Variants in TJP1 observed in about 807,000 individuals in gnomAD.
TJP1 encodes the protein tight junction protein 1, also known as tight junction protein ZO-1.
TJP1 carries 43 observed loss-of-function variants against 194.2 expected under a neutral mutation model. The observed-to-expected ratio is 0.22, with a 90% CI of 0.17 to 0.29. The LOEUF (loss-of-function observed/expected upper bound fraction) is 0.29. Among genes scored for constraint, TJP1 ranks in the 10% least tolerant of loss-of-function variants. The pLI, the probability that TJP1 is intolerant of heterozygous loss-of-function variation, is 1.00. For missense variants in TJP1, 1,971 were observed against 2,185.7 expected (o/e 0.90, Z 1.96); for synonymous variants, 801 against 779.0 (o/e 1.03, Z -0.47).
intron 2 of TJP1, among the ~76,000 whole-genome samples, chr15:29,844,559 G>A (rs530211706): frequency 6.6e-6 from 1 of 152,152 alleles, no homozygotes; most frequent in East Asian, 1.9e-4. Flanking sequence ...GACAAGATGC[G>A]AGGGTAGACT....
rs757483551 is a variant in TJP1 at position 29,766,436 on chromosome 15, C to G, written c.419G>C (p.Arg140Thr). Residue 140 changes from arginine (R) to threonine (T), a missense_variant, in exon 5 of 28, where the codon AGA becomes ACA. By Grantham distance (71) the Arg-to-Thr change is moderately conservative. Around this residue, in one of 5 missense-constraint regions of TJP1, gnomAD observed 245 missense variants for 336.6 expected, o/e 0.73. Coordinates refer to ENST00000614355, the MANE Select transcript of TJP1 (RefSeq NM_001330239.4). ...GTTAACCACACCACTCCGGCCACTT[C>G]TTGGATCATGTATTTCCTCATCATA... ...DSYDEEIHDP[R>T]SGRSGVVNRR... 1 of 1,614,044 alleles carries G rather than the reference C, an allele frequency of 6.2e-7. No homozygotes were observed. The highest frequency in any genetic ancestry group is 1.3e-5 in the African/African-American group (1 of 74,934).
intron 10 of TJP1, among the ~76,000 whole-genome samples, chr15:29,740,275 C>A (rs1490807620): frequency 6.6e-6 from 1 of 151,996 alleles, no homozygotes; most frequent in Non-Finnish European, 1.5e-5. Context: ...GCGCCCGGCC[C>A]GGAATTCTGT....
At position 29,761,052 on chromosome 15, in the gene TJP1, T is replaced by A. The variant is rs955314961; in HGVS notation, c.1010+87A>T. 10 of 1,387,782 alleles carry A rather than the reference T, an allele frequency of 7.2e-6. No homozygotes were observed. The African/African-American group carries it at 1.2e-4, about 16-fold the overall frequency. 86.0% of individuals were successfully genotyped at this position (1,387,782 alleles called of 1,614,324 possible). ...ATCTTGAATAATCAAAAGAAATACATCTTTTAATTTTATTTGTAAGCAATT... is the reference window on the plus strand; with the variant it reads ...ATCTTGAATAATCAAAAGAAATACAACTTTTAATTTTATTTGTAAGCAATT... On this transcript the variant is annotated intron_variant, in intron 8 of 27. Transcript: ENST00000614355.
At chr15:29,760,573 C>T (rs2045937752) in intron 8 of TJP1, among the ~76,000 whole-genome samples, 2 of 152,156 alleles carry the variant, frequency 1.3e-5, no homozygotes, top group South Asian at 4.1e-4. Context: ...GACAGAGTTT[C>T]ACCATGTCGG....
chr15:29,766,388 G>A lies in TJP1; in HGVS notation c.467C>T (p.Pro156Leu), dbSNP rs772906729. 30 of 1,614,012 alleles carry A rather than the reference G, an allele frequency of 1.9e-5. No individual in the cohort carries two copies. The highest frequency in any genetic ancestry group is 1.5e-4 in the South Asian group (14 of 91,058). The stretch of plus-strand genomic sequence containing the variant: ...CTCTCTACTTGCACTTCTATCCCTC[G>A]GCCAAATCTTCTCACTCCTTCTGTT... ...VVNRRSEKIW[P>L]RDRSASRERS... The change falls in exon 5 of 28, where the codon CCG becomes CTG. Residue 156 changes from proline to leucine, a missense_variant. By Grantham distance (98) the Pro-to-Leu change is moderately conservative. Transcript: ENST00000614355.
At chr15:29,907,143 C>T (rs2053841402) in intron 2 of TJP1, among the ~76,000 whole-genome samples, 1 of 152,010 alleles carries the variant, frequency 6.6e-6, no homozygotes. Flanking sequence ...GGTACGGTGG[C>T]TCATGCCTGT....
chr15:29,737,190 A>G lies in TJP1; in HGVS notation c.1407+74T>C, dbSNP rs770340135. 31 of 1,534,298 alleles carry G rather than the reference A, an allele frequency of 2.0e-5. No homozygotes were observed. In the Middle Eastern group the frequency reaches 1.0e-3, roughly 51 times the overall value. On this transcript the variant is annotated intron_variant, in intron 11 of 27. Coordinates refer to ENST00000614355, the MANE Select transcript of TJP1 (RefSeq NM_001330239.4). ...CAGATTACAATCTAATTACAATAGT[A>G]AGCTTGTTGTTTGATACCTTTTTCT...
At chr15:29,854,662 T>G (rs561654886) in intron 2 of TJP1, among the ~76,000 whole-genome samples, 138 of 152,264 alleles carry the variant, frequency 9.1e-4, no homozygotes, top group Non-Finnish European at 1.0e-3. Flanking sequence ...ATTGCTAAAG[T>G]CACCAAGTGT....
chr15:29,704,208 A>G lies in TJP1; in HGVS notation c.5166T>C (p.Thr1722=). 6.3e-7 allele frequency: 1 copy of G among 1,584,714 alleles called. No homozygotes were observed. Among genetic ancestry groups the G allele is most frequent in the South Asian group, 1.2e-5 (1 of 86,276 alleles). The change falls in exon 27 of 28, where the codon ACT becomes ACC. Residue 1722 remains threonine (T), a synonymous_variant. Coordinates refer to ENST00000614355, the MANE Select transcript of TJP1 (RefSeq NM_001330239.4). The part of the protein sequence containing the change: ...ELRLPHCASM[T]PDGWSFALKS... The stretch of plus-strand genomic sequence containing the variant: ...TTAGAGCAAAAGACCAACCGTCAGG[A>G]GTCATGGACGCACAGTGTGGTAAGC...
chr15:29,921,620 C>G (rs887085097), intron 2 of TJP1, among the ~76,000 whole-genome samples: 3 of 152,184 alleles, frequency 2.0e-5, no homozygotes, highest in Non-Finnish European at 4.4e-5. Context: ...CTCTCCCCTG[C>G]TGGATCCCCT....
chr15:29,748,955 C>CGCGT (rs1039459751), intron 8 of TJP1, among the ~76,000 whole-genome samples: 7 of 24,060 alleles, frequency 2.9e-4, no homozygotes, highest in Admixed American at 2.1e-3. Flanking sequence ...TGTGTGTGTG[C>CGCGT]GCGTGTGTGC....
At chr15:29,801,731 G>C (rs1037343627) in intron 1 of TJP1, among the ~76,000 whole-genome samples, 5 of 152,046 alleles carry the variant, frequency 3.3e-5, no homozygotes, top group East Asian at 3.9e-4. Context: ...AAAGTGCTGG[G>C]ATTACAGGCG....
chr15:29,749,053 T>C (rs1221261245), intron 8 of TJP1, among the ~76,000 whole-genome samples: 1 of 152,118 alleles, frequency 6.6e-6, no homozygotes, highest in Non-Finnish European at 1.5e-5. Context: ...CAGCTCCTGG[T>C]AGCCTAGAAG....
At chr15:29,905,171 C>G (rs2053765551) in intron 2 of TJP1, among the ~76,000 whole-genome samples, 1 of 152,182 alleles carries the variant, frequency 6.6e-6, no homozygotes, top group Non-Finnish European at 1.5e-5. Flanking sequence ...CAGTCATCCT[C>G]AGGCCTGTTG....
chr15:29,872,605 A>G (rs890267434), intron 2 of TJP1, among the ~76,000 whole-genome samples: 10 of 151,250 alleles, frequency 6.6e-5, no homozygotes, highest in Admixed American at 2.0e-4. Context: ...GTGATCCTCA[A>G]TGGTGGTGAA....
intron 1 of TJP1, among the ~76,000 whole-genome samples, chr15:29,964,523 C>G (rs536648373): frequency 1.3e-5 from 2 of 152,218 alleles, no homozygotes; most frequent in Admixed American, 1.3e-4. Flanking sequence ...TCGAAAGAGG[C>G]AAGGAAGGAT....
rs1242819561 is a variant in TJP1, at chr15:29,761,179, C to A, written c.970G>T (p.Asp324Tyr). Residue 324 changes from aspartate to tyrosine, a missense_variant, in exon 8 of 28, where the codon GAT (aspartate) becomes TAT (tyrosine). By Grantham distance (160) the Asp-to-Tyr change is radical (BLOSUM62 -3). Around this residue, in one of 5 missense-constraint regions of TJP1, gnomAD observed 192 missense variants for 182.3 expected, o/e 1.05. Coordinates refer to ENST00000614355, the MANE Select transcript of TJP1 (RefSeq NM_001330239.4). ...TGCTGCGGCGAGTGCCTGGAATGATCAGAAGGCTCTGACCGCTGGTCAGGA... is the reference window on the plus strand; with the variant it reads ...TGCTGCGGCGAGTGCCTGGAATGATAAGAAGGCTCTGACCGCTGGTCAGGA... ...RSPDQRSEPS[D>Y]HSRHSPQQPS... is the part of the protein sequence containing the mutation. 1.2e-6 allele frequency: 2 copies of A among 1,613,398 alleles called. No homozygotes were observed. The highest frequency in any genetic ancestry group is 3.3e-5 in the Admixed American group (2 of 59,860).
chr15:29,764,515 C>G (rs1365533904), intron 5 of TJP1, among the ~76,000 whole-genome samples: 2 of 152,056 alleles, frequency 1.3e-5, no homozygotes, highest in African/African-American at 4.8e-5. Flanking sequence ...AAGAGACAAC[C>G]TATGAGACCA....
At chr15:29,717,453 A>G (rs2042633874) in intron 22 of TJP1, among the ~76,000 whole-genome samples, 2 of 152,236 alleles carry the variant, frequency 1.3e-5, no homozygotes, top group Admixed American at 1.3e-4. Flanking sequence ...TGGCAGTGCA[A>G]TGAGGCCATG....
Sources: gnomAD v4.1 joint callset for allele counts (sites outside exome capture counted in the v4.1 genomes callset) on GRCh38, gnomAD v4.1.1 for gene constraint, gnomAD v4.1.1 regional missense constraint, MANE v1.5 for transcripts, NCBI Gene and HGNC (gene_info 2026-07-23, HGNC 2026-07-21) for gene names.